Variants in TTC3 observed in about 807,000 individuals in gnomAD.
The protein encoded by TTC3 is tetratricopeptide repeat domain 3.
A neutral mutation model predicts 249.6 loss-of-function variants in TTC3; 180 were observed. The observed-to-expected ratio is 0.72, with a 90% CI of 0.64 to 0.82. The LOEUF is 0.82. TTC3 is among the 40% of genes least tolerant of loss of function. TTC3 has a pLI of 0.00. For synonymous variants in TTC3, 717 were observed against 805.0 expected (o/e 0.89, Z 1.85); for missense variants, 2,061 against 2,398.4 (o/e 0.86, Z 2.94).
chr21:37,132,548 G>A (rs949029516), intron 16 of TTC3, 134 bp from the exon 17 acceptor site: 5 of 457,906 alleles, frequency 1.1e-5, no homozygotes, highest in Non-Finnish European at 1.5e-5. Flanking sequence ...CCTAACCTCA[G>A]GTGATCCACC....
chr21:37,100,167 G>A (rs2074337844), intron 10 of TTC3, among the ~76,000 whole-genome samples: 1 of 152,152 alleles, frequency 6.6e-6, no homozygotes, highest in Non-Finnish European at 1.5e-5. Context: ...CACGGTGGGT[G>A]TCAACTGTAA....
At position 37,082,423 on chromosome 21, in the gene TTC3, T is replaced by C. The variant is rs2071822981; in HGVS notation, c.-11-4824T>C. 3 of 902,932 alleles carry C rather than the reference T, an allele frequency of 3.3e-6. No individual in the cohort carries two copies. The South Asian group carries it at 1.5e-4, about 46-fold the overall frequency. The allele number at this position is 902,932 out of a possible 1,614,324, so 55.9% of individuals were successfully genotyped here. A position where few individuals can be genotyped will look rare whatever the true frequency, so the allele number is the denominator to read the frequency against. On this transcript the variant is annotated intron_variant, in intron 1 of 45. Transcript: ENST00000355666. ...ATTGATTATGAACTTCTGTTTGATC[T>C]TTGTGGTGATCTTGAGAGTCTAATT...
At position 37,201,439 on chromosome 21, in the gene TTC3, G is replaced by T. The variant is rs752285687; in HGVS notation, c.5944-1G>T. 5.0e-6 allele frequency: 8 copies of T among 1,613,656 alleles called. No homozygotes were observed. The highest frequency in any genetic ancestry group is 5.9e-6 in the Non-Finnish European group (7 of 1,180,038). On this transcript the variant is annotated splice_acceptor_variant, in intron 45 of 45. Transcript: ENST00000355666. LOFTEE classifies it high-confidence loss of function. ...TTCTGATTTTGTTTTCTCCTTTTCA[G>T]TGCTTTAAGCAGTGGCTTAAAGGGC...
intron 16 of TTC3, among the ~76,000 whole-genome samples, chr21:37,130,274 A>G (rs944481536): frequency 2.6e-5 from 4 of 152,126 alleles, no homozygotes; most frequent in Non-Finnish European, 5.9e-5. Context: ...ATGTTTTTCT[A>G]TTATTTGATA....
chr21:37,090,816 C>T (rs2073169944), intron 6 of TTC3, among the ~76,000 whole-genome samples: 1 of 152,162 alleles, frequency 6.6e-6, no homozygotes, highest in South Asian at 2.1e-4. Flanking sequence ...GCCACATCTT[C>T]CTCTTGTTCT....
At chr21:37,171,393 T>C in intron 34 of TTC3, among the ~76,000 whole-genome samples, 1 of 152,362 alleles carries the variant, frequency 6.6e-6, no homozygotes, top group East Asian at 1.9e-4. Context: ...TCCTGGGACT[T>C]TGAGAAGTTG....
At chr21:37,145,248 G>C (rs1187091529) in intron 21 of TTC3, among the ~76,000 whole-genome samples, 1 of 152,156 alleles carries the variant, frequency 6.6e-6, no homozygotes, top group Non-Finnish European at 1.5e-5. Context: ...CTTGATTTTG[G>C]CTGAAGCTTT....
intron 10 of TTC3, among the ~76,000 whole-genome samples, chr21:37,104,588 C>CAAAAAAAAAAAAAAAAAAAAAAAAAA (rs141618903): frequency 1.8e-4 from 19 of 104,326 alleles, no homozygotes; most frequent in African/African-American, 3.4e-4. Flanking sequence ...AACTCCGTCT[C>CAAAAAAAAAAAAAAAAAAAAAAAAAA]AAAAAAAAAA....
At chr21:37,186,956 G>A in intron 37 of TTC3, 93 bp from the exon 38 acceptor site, 1 of 662,986 alleles carries the variant, frequency 1.5e-6, no homozygotes, top group Non-Finnish European at 2.5e-6. Flanking sequence ...GGCTATCGTG[G>A]TGTGGTTTCA....
At chr21:37,108,300 T>G in intron 10 of TTC3, 92 bp from the exon 11 acceptor site, 1 of 993,268 alleles carries the variant, frequency 1.0e-6, no homozygotes, top group Non-Finnish European at 1.5e-6. Flanking sequence ...CTAGATAATA[T>G]ACATGGAAAA....
chr21:37,111,924 C>A (rs1601517082), intron 11 of TTC3, among the ~76,000 whole-genome samples: 1 of 148,370 alleles, frequency 6.7e-6, no homozygotes, highest in African/African-American at 2.5e-5. Context: ...TACATGGAAA[C>A]TGAACAACCT....
intron 15 of TTC3, among the ~76,000 whole-genome samples, chr21:37,127,433 G>T (rs371598503): frequency 4.6e-5 from 7 of 152,262 alleles, no homozygotes; most frequent in South Asian, 4.2e-4. Context: ...GGAGATGAAG[G>T]TTCTGGAGAA....
intron 2 of TTC3, 68 bp downstream of exon 2, chr21:37,087,469 T>C: frequency 6.4e-7 from 1 of 1,563,812 alleles, no homozygotes; most frequent in Non-Finnish European, 8.7e-7. Flanking sequence ...TAGGGCTATC[T>C]GAGTAAAGAT....
intron 16 of TTC3, among the ~76,000 whole-genome samples, chr21:37,130,391 A>G (rs1033433437): frequency 1.3e-5 from 2 of 152,086 alleles, no homozygotes; most frequent in African/African-American, 4.8e-5. Context: ...AACCTGTTTT[A>G]TTTAAAAAAA....
intron 44 of TTC3, 88 bp downstream of exon 44, chr21:37,198,113 A>G: frequency 3.5e-6 from 5 of 1,422,658 alleles, no homozygotes; most frequent in Non-Finnish European, 4.7e-6. Flanking sequence ...ATTCATTTCT[A>G]GACCTAATTT....
At chr21:37,152,103 C>A in intron 26 of TTC3, 74 bp downstream of exon 26, 1 of 1,366,226 alleles carries the variant, frequency 7.3e-7, no homozygotes, top group Non-Finnish European at 9.7e-7. Context: ...ATCTTTTGGG[C>A]CTTATATTCA....
exon 46 of TTC3, chr21:37,201,804 G>A: frequency 3.4e-6 from 2 of 581,638 alleles, no homozygotes; most frequent in African/African-American, 1.9e-5. Context: ...ACACTCATGG[G>A]TCACTGGGGC....
chr21:37,151,244 T>C (rs1020423809), intron 25 of TTC3, among the ~76,000 whole-genome samples: 1 of 152,146 alleles, frequency 6.6e-6, no homozygotes, highest in African/African-American at 2.4e-5. Context: ...TTTTTCTTTT[T>C]ATCTCTCTTC....
At position 37,117,940 on chromosome 21, in the gene TTC3, CT is replaced by C. The variant is rs533395845; in HGVS notation, c.901-3867del. 3.8e-3 allele frequency among the ~76,000 whole-genome samples: 556 copies of C among 147,550 alleles called. 6 individuals are homozygous for C. The highest frequency in any genetic ancestry group is 0.01 in the Middle Eastern group (3 of 290). ...CTTAGTTTCTTAAACAAAATATTCA[CT>C]TTTTTTTTTAAATTGGAATGTTTGG... On this transcript the variant is annotated intron_variant, in intron 11 of 45. Transcript: ENST00000355666.
Sources: gnomAD v4.1 joint callset for allele counts (sites outside exome capture counted in the v4.1 genomes callset) on GRCh38, gnomAD v4.1.1 for gene constraint, MANE v1.5 for transcripts, NCBI Gene and HGNC (gene_info 2026-07-23, HGNC 2026-07-21) for gene names.